The following CCDC158 variants were observed in gnomAD, a reference collection of about 807,000 sequenced individuals.
The protein encoded by CCDC158 is coiled-coil domain-containing protein 158.
CCDC158 carries 116 observed loss-of-function variants against 138.6 expected under a neutral mutation model. The ratio of observed to expected loss-of-function variants is 0.84; its 90% CI spans 0.72 to 0.98. The LOEUF (loss-of-function observed/expected upper bound fraction) is 0.98. Ranked by LOEUF, CCDC158 falls within the 50% of genes least tolerant of loss-of-function variation. CCDC158 has a pLI of 0.00. For synonymous variants in CCDC158, 436 were observed against 442.4 expected, an observed-to-expected ratio of 0.99 and a Z score of 0.18; for missense variants, 1,265 against 1,306.1, an observed-to-expected ratio of 0.97 and a Z score of 0.48.
chr4:76,418,440 A>T (rs145582807), intron 1 of CCDC158, among the ~76,000 whole-genome samples: 364 of 152,332 alleles, frequency 2.4e-3, no homozygotes, highest in African/African-American at 8.3e-3. Flanking sequence ...CTTATAAAGC[A>T]GTTTGAAAAG....
intron 18 of CCDC158, among the ~76,000 whole-genome samples, chr4:76,341,384 C>CT (rs1233253170): frequency 2.0e-5 from 3 of 152,076 alleles, no homozygotes; most frequent in African/African-American, 7.2e-5. Context: ...AAACTCATCT[C>CT]TTATATTTTA....
At chr4:76,368,777 C>T (rs1420326958) in intron 11 of CCDC158, among the ~76,000 whole-genome samples, 1 of 152,036 alleles carries the variant, frequency 6.6e-6, no homozygotes, top group Non-Finnish European at 1.5e-5. Context: ...TCAGGCTGCC[C>T]AATAATTTGA....
chr4:76,410,053 C>T (rs962173068), intron 2 of CCDC158, among the ~76,000 whole-genome samples: 6 of 152,064 alleles, frequency 3.9e-5, no homozygotes, highest in Non-Finnish European at 7.4e-5. Flanking sequence ...TCCTTGGAGT[C>T]GAAAGGCCCT....
intron 1 of CCDC158, among the ~76,000 whole-genome samples, chr4:76,412,339 A>G (rs1729356189): frequency 6.6e-6 from 1 of 152,228 alleles, no homozygotes; most frequent in African/African-American, 2.4e-5. Flanking sequence ...CAGGCCAGGC[A>G]TGGTGGCTAA....
chr4:76,363,416 T>A (rs1298297296), intron 12 of CCDC158, among the ~76,000 whole-genome samples: 2 of 152,212 alleles, frequency 1.3e-5, no homozygotes, highest in African/African-American at 4.8e-5. Flanking sequence ...TTGTATCCTT[T>A]CACTGTAATA....
chr4:76,357,351 A>G, intron 14 of CCDC158, 23 bp downstream of exon 14: 1 of 1,461,298 alleles, frequency 6.8e-7, no homozygotes, highest in South Asian at 1.6e-5. Context: ...AGAAGAAAAA[A>G]TTTTAAATCT....
At chr4:76,408,193 T>TA (rs888389579) in intron 2 of CCDC158, among the ~76,000 whole-genome samples, 19 of 141,048 alleles carry the variant, frequency 1.3e-4, no homozygotes, top group African/African-American at 4.0e-4. Context: ...TATATATATA[T>TA]TTTTTTATTA....
At chr4:76,331,041 A>T (rs969006506) in intron 21 of CCDC158, among the ~76,000 whole-genome samples, 2 of 152,338 alleles carry the variant, frequency 1.3e-5, no homozygotes, top group African/African-American at 4.8e-5. Context: ...CCCCTATTCT[A>T]ACTAGATCTT....
At chr4:76,410,122 G>A (rs1015987358) in intron 2 of CCDC158, among the ~76,000 whole-genome samples, 1 of 152,070 alleles carries the variant, frequency 6.6e-6, no homozygotes, top group Non-Finnish European at 1.5e-5. Context: ...ATTTCTTTTT[G>A]TATGGCTACT....
chr4:76,378,359 T>G (rs1231705764), intron 9 of CCDC158, among the ~76,000 whole-genome samples: 1 of 152,228 alleles, frequency 6.6e-6, no homozygotes, highest in Admixed American at 6.5e-5. Flanking sequence ...ATACTCTATT[T>G]CTTCTAACCT....
rs1723449190 is a variant in CCDC158, at chr4:76,355,421, AT to A, written c.2188del (p.Met730TrpfsTer14). On this transcript the variant is annotated frameshift_variant, in exon 15 of 25. Transcript: ENST00000682701. LOFTEE classifies it high-confidence loss of function. ...GSDGHAMKVA[M>X]GMQKQITAKR... ...GGCTGTGATTTGCTTTTGCATCCCC[AT>A]TGCCACTTTCATAGCTGGAAAAAAA... 4 of 1,611,918 alleles carry A rather than the reference AT, an allele frequency of 2.5e-6. No individual in the cohort carries two copies. Among genetic ancestry groups the A allele is most frequent in the Non-Finnish European group, 3.4e-6 (4 of 1,178,740 alleles).
intron 11 of CCDC158, 123 bp downstream of exon 11, chr4:76,369,303 C>T (rs914068282): frequency 6.9e-5 from 53 of 765,374 alleles, no homozygotes; most frequent in Admixed American, 1.4e-4. Context: ...GAATCCATAG[C>T]TTTATTTTAG....
Position 76,371,439 on chromosome 4 carries a change from T to C in CCDC158, c.1127A>G (p.Asp376Gly). 2 of 1,614,118 alleles carry C rather than the reference T, an allele frequency of 1.2e-6. No homozygotes were observed. Among genetic ancestry groups the C allele is most frequent in the Non-Finnish European group, 1.7e-6 (2 of 1,179,980 alleles). The change falls in exon 10 of 25, where the codon GAT becomes GGT. Residue 376 changes from aspartate (D) to glycine (G), a missense_variant. Transcript: ENST00000682701. ...DQFSQESGNL[D>G]DQLQKLLADL... Reference sequence around the variant, plus strand: ...TACCAACAGCTTTTGAAGTTGATCATCTAAATTTCCAGATTCCTGACTGAA... The same window carrying C: ...TACCAACAGCTTTTGAAGTTGATCACCTAAATTTCCAGATTCCTGACTGAA...
chr4:76,320,569 G>T (rs1010244707), intron 24 of CCDC158, among the ~76,000 whole-genome samples: 9 of 152,108 alleles, frequency 5.9e-5, no homozygotes, highest in African/African-American at 2.2e-4. Context: ...CACCAAAACA[G>T]CATGGTACTG....
intron 15 of CCDC158, among the ~76,000 whole-genome samples, chr4:76,354,178 C>A (rs1723312270): frequency 7.5e-6 from 1 of 133,076 alleles, no homozygotes; most frequent in South Asian, 2.5e-4. Flanking sequence ...GCAGTAACCT[C>A]TTAAAGCCAT....
At chr4:76,400,672 G>T (rs1380221143) in intron 3 of CCDC158, among the ~76,000 whole-genome samples, 2 of 148,400 alleles carry the variant, frequency 1.3e-5, no homozygotes, top group African/African-American at 5.0e-5. Context: ...ATCTGGCTAA[G>T]ATCATGAGAA....
Position 76,351,024 on chromosome 4 carries a change from G to A in CCDC158, c.2636C>T (p.Ser879Leu), listed in dbSNP as rs1578939507. The A allele has an allele frequency of 5.0e-6, 8 of 1,613,934 alleles. No homozygotes were observed. Among genetic ancestry groups the A allele is most frequent in the Admixed American group, 3.3e-5 (2 of 59,998 alleles). Residue 879 changes from serine (S) to leucine (L), a missense_variant, in exon 18 of 25, where the codon TCG becomes TTG. Physicochemically the swap from Ser to Leu is moderately radical, Grantham distance 145. Transcript: ENST00000682701. ...VTRSHSNVPS[S>L]QSTASFLSHH... is the part of the protein sequence containing the mutation. ...AGACAGGAAGCTGGCTGTAGACTGC[G>A]AAGATGGTACATTAGAATGAGAACG...
chr4:76,376,058 T>C (rs192295180), intron 9 of CCDC158, among the ~76,000 whole-genome samples: 1,427 of 136,684 alleles, frequency 0.01, 8 homozygotes, highest in African/African-American at 0.036. Context: ...CAAATCTCAC[T>C]TTTTTTTTTT....
intron 1 of CCDC158, among the ~76,000 whole-genome samples, chr4:76,418,812 G>A (rs1729895217): frequency 6.6e-6 from 1 of 152,186 alleles, no homozygotes; most frequent in Non-Finnish European, 1.5e-5. Flanking sequence ...TGGGGATACA[G>A]CCAAACCATA....
Sources: gnomAD v4.1 joint callset for allele counts (sites outside exome capture counted in the v4.1 genomes callset) on GRCh38, gnomAD v4.1.1 for gene constraint, MANE v1.5 for transcripts, NCBI Gene and HGNC (gene_info 2026-07-23, HGNC 2026-07-21) for gene names.